The following PTPRN2 variants were observed in gnomAD, a reference collection of about 807,000 sequenced individuals.
The protein encoded by PTPRN2 is receptor-type tyrosine-protein phosphatase N2.
A neutral mutation model predicts 118.8 loss-of-function variants in PTPRN2; 74 were observed. The ratio of observed to expected loss-of-function variants is 0.62; its 90% CI spans 0.52 to 0.76. The LOEUF (loss-of-function observed/expected upper bound fraction) is 0.76, where lower values mean the gene tolerates loss of function less well. Ranked by LOEUF, PTPRN2 falls within the 30% of genes least tolerant of loss-of-function variation. The pLI is 0.00. For synonymous variants in PTPRN2, 641 were observed against 608.0 expected (o/e 1.05, Z -0.80); for missense variants, 1,481 against 1,394.4 (o/e 1.06, Z -0.99).
At chr7:157,707,873 GC>G (rs1402904846) in intron 12 of PTPRN2, among the ~76,000 whole-genome samples, 1 of 152,254 alleles carries the variant, frequency 6.6e-6, no homozygotes, top group Admixed American at 6.5e-5. Context: ...ACAGGCGTGA[GC>G]CACTGCGCCC....
At chr7:158,562,157 T>C (rs1396582827) in intron 1 of PTPRN2, among the ~76,000 whole-genome samples, 1 of 152,196 alleles carries the variant, frequency 6.6e-6, no homozygotes, top group African/African-American at 2.4e-5. Flanking sequence ...CTCACAGCTC[T>C]GAAGGCTGTG....
At chr7:157,580,410 G>A (rs983699665) in intron 17 of PTPRN2, among the ~76,000 whole-genome samples, 10 of 151,958 alleles carry the variant, frequency 6.6e-5, no homozygotes, top group African/African-American at 2.4e-4. Context: ...GGCCCCCATG[G>A]CCACCTGCAC....
rs1351622550 is a variant in PTPRN2, at chr7:157,620,981, T to C, written c.2344+381A>G. 1.6e-3 allele frequency among the ~76,000 whole-genome samples: 113 copies of C among 70,484 alleles called. 1 individual carries two copies. The highest frequency in any genetic ancestry group is 3.3e-3 in the African/African-American group (56 of 17,102). 46.2% of individuals were successfully genotyped at this position (70,484 alleles called of 152,430 possible). On this transcript the variant is annotated intron_variant, in intron 15 of 22. Coordinates refer to ENST00000389418, the MANE Select transcript of PTPRN2 (RefSeq NM_002847.5). ...CGGGACTGGTATGTACAGGTCAGCA[T>C]GGCCAGTTTCCCCCGCCTGTAACCC...
chr7:157,651,124 G>T (rs543985434), intron 14 of PTPRN2, among the ~76,000 whole-genome samples: 3 of 152,228 alleles, frequency 2.0e-5, no homozygotes, highest in Admixed American at 2.0e-4. Context: ...GGTGCGGCGC[G>T]ACTCCACAGG....
chr7:157,926,657 C>T (rs1246612118), intron 11 of PTPRN2, among the ~76,000 whole-genome samples: 3 of 152,188 alleles, frequency 2.0e-5, no homozygotes, highest in Non-Finnish European at 2.9e-5. Flanking sequence ...AGTGCCCCTT[C>T]CTCTAAACAC....
chr7:157,797,278 A>T (rs1470564186), intron 12 of PTPRN2, among the ~76,000 whole-genome samples: 1 of 152,252 alleles, frequency 6.6e-6, no homozygotes, highest in African/African-American at 2.4e-5. Flanking sequence ...ATCTGATGAC[A>T]ACACACATTT....
intron 21 of PTPRN2, among the ~76,000 whole-genome samples, chr7:157,556,340 T>G: frequency 8.1e-6 from 1 of 123,744 alleles, no homozygotes; most frequent in Non-Finnish European, 1.7e-5. Flanking sequence ...CACACTCACG[T>G]CATACATATG....
chr7:157,984,374 ACCC>A (rs1307205576), intron 11 of PTPRN2, among the ~76,000 whole-genome samples: 3 of 12,472 alleles, frequency 2.4e-4, no homozygotes, highest in African/African-American at 1.4e-3. Flanking sequence ...GCCAGGCTCC[ACCC>A]CCCACGCCAG....
chr7:157,996,100 AT>A (rs1461670228), intron 11 of PTPRN2, among the ~76,000 whole-genome samples: 1 of 152,258 alleles, frequency 6.6e-6, no homozygotes, highest in Admixed American at 6.5e-5. Flanking sequence ...CTATTCAGCC[AT>A]AAAAAAGGAT....
chr7:158,149,154 C>CT (rs1820608396), intron 6 of PTPRN2, among the ~76,000 whole-genome samples: 5 of 126,812 alleles, frequency 3.9e-5, no homozygotes, highest in Non-Finnish European at 6.3e-5. Context: ...GTCTTTCCCC[C>CT]TCAGTGACAC....
chr7:158,564,820 C>G (rs1438252610), intron 1 of PTPRN2, among the ~76,000 whole-genome samples: 2 of 152,276 alleles, frequency 1.3e-5, no homozygotes, highest in Non-Finnish European at 2.9e-5. Flanking sequence ...CAGGAAATGG[C>G]TCTGTGGCCC....
At chr7:157,890,737 C>T (rs888856595) in intron 12 of PTPRN2, among the ~76,000 whole-genome samples, 1 of 152,214 alleles carries the variant, frequency 6.6e-6, no homozygotes, top group Non-Finnish European at 1.5e-5. Context: ...ATTTCACCTG[C>T]CCCCAGCACC....
At chr7:157,656,856 ACAC>A (rs150925984) in intron 13 of PTPRN2, among the ~76,000 whole-genome samples, 48,209 of 134,054 alleles carry the variant, frequency 0.36, 10,408 homozygotes, top group Middle Eastern at 0.46. Flanking sequence ...ACACACACAC[ACAC>A]ATCACACATA....
intron 12 of PTPRN2, among the ~76,000 whole-genome samples, chr7:157,892,290 T>G (rs1796856490): frequency 1.3e-5 from 2 of 152,262 alleles, no homozygotes. Flanking sequence ...CCAAATTATT[T>G]TTCTTCCAAA....
chr7:157,832,570 G>A (rs369072319), intron 12 of PTPRN2, among the ~76,000 whole-genome samples: 14 of 152,092 alleles, frequency 9.2e-5, no homozygotes, highest in African/African-American at 3.4e-4. Context: ...TACTGCACTT[G>A]CTTCTAGATG....
intron 10 of PTPRN2, among the ~76,000 whole-genome samples, chr7:158,089,432 A>G (rs1253954169): frequency 2.0e-4 from 7 of 35,738 alleles, no homozygotes; most frequent in Non-Finnish European, 3.5e-4. Flanking sequence ...GGAAAGAGGG[A>G]GTCTTCACAC....
At chr7:157,782,804 G>T (rs767906383) in intron 12 of PTPRN2, among the ~76,000 whole-genome samples, 1 of 152,242 alleles carries the variant, frequency 6.6e-6, no homozygotes, top group Non-Finnish European at 1.5e-5. Context: ...GAAAATAAAG[G>T]CTTTGCTCTC....
Position 158,317,023 on chromosome 7 carries a change from T to C in PTPRN2, c.164-91A>G. 7 of 951,746 alleles carry C rather than the reference T, an allele frequency of 7.4e-6. No individual in the cohort carries two copies. In the Admixed American group the frequency reaches 1.7e-4, roughly 23 times the overall value. 59.0% of individuals were successfully genotyped at this position (951,746 alleles called of 1,614,324 possible). A position where few individuals can be genotyped will look rare whatever the true frequency, so the allele number is the denominator to read the frequency against. On this transcript the variant is annotated intron_variant, in intron 2 of 22. Coordinates refer to ENST00000389418, the MANE Select transcript of PTPRN2 (RefSeq NM_002847.5). The stretch of plus-strand genomic sequence containing the variant: ...CACACGTCCTTGCAATGCGTTCTGA[T>C]CATGTGCCGCCGTGAGGTTTTGGAG...
chr7:158,482,491 T>C (rs547053183), intron 2 of PTPRN2, among the ~76,000 whole-genome samples: 2 of 152,360 alleles, frequency 1.3e-5, no homozygotes, highest in African/African-American at 4.8e-5. Flanking sequence ...GATTACAACT[T>C]GCTGAAAGCT....
Sources: gnomAD v4.1 joint callset for allele counts (sites outside exome capture counted in the v4.1 genomes callset) on GRCh38, gnomAD v4.1.1 for gene constraint, MANE v1.5 for transcripts, NCBI Gene and HGNC (gene_info 2026-07-23, HGNC 2026-07-21) for gene names.